The following PCDH9 variants were observed in gnomAD, a reference collection of about 807,000 sequenced individuals.
The protein encoded by PCDH9 is protocadherin-9.
PCDH9 carries 24 observed loss-of-function variants against 70.6 expected under a neutral mutation model. That is an observed-to-expected ratio of 0.34 (90% CI 0.25 to 0.48). PCDH9 has a LOEUF of 0.48. PCDH9 is among the 20% of genes least tolerant of loss of function. PCDH9 has a pLI of 0.99. For missense variants in PCDH9, 1,281 were observed against 1,503.6 expected (o/e 0.85, Z 2.45); for synonymous variants, 562 against 558.5 (o/e 1.01, Z -0.09).
chr13:66,775,208 T>A (rs1182736847), intron 3 of PCDH9, among the ~76,000 whole-genome samples: 1 of 152,348 alleles, frequency 6.6e-6, no homozygotes, highest in Admixed American at 6.5e-5. Flanking sequence ...TTTATTAGTG[T>A]CTTAGGAAGC....
chr13:66,866,595 C>T (rs1394541685), intron 3 of PCDH9, among the ~76,000 whole-genome samples: 1 of 151,876 alleles, frequency 6.6e-6, no homozygotes, highest in Non-Finnish European at 1.5e-5. Flanking sequence ...TCAGGAGTTC[C>T]AGACCAGCCT....
chr13:66,510,565 G>C (rs1404400453), intron 4 of PCDH9, among the ~76,000 whole-genome samples: 1 of 152,004 alleles, frequency 6.6e-6, no homozygotes, highest in African/African-American at 2.4e-5. Context: ...CTGTGTCCAG[G>C]TGTTCTCATT....
intron 2 of PCDH9, among the ~76,000 whole-genome samples, chr13:67,003,492 T>G (rs1056839770): frequency 6.7e-6 from 1 of 149,476 alleles, no homozygotes; most frequent in Non-Finnish European, 1.5e-5. Flanking sequence ...CGCATTTCAC[T>G]CTTTTATTCT....
intron 4 of PCDH9, among the ~76,000 whole-genome samples, chr13:66,519,674 C>T (rs1158730874): frequency 6.6e-6 from 1 of 152,126 alleles, no homozygotes; most frequent in Non-Finnish European, 1.5e-5. Context: ...GTTCCCTTCC[C>T]TGCAAGAGGT....
At chr13:66,337,062 T>G (rs1956049202) in intron 4 of PCDH9, among the ~76,000 whole-genome samples, 1 of 152,040 alleles carries the variant, frequency 6.6e-6, no homozygotes, top group Non-Finnish European at 1.5e-5. Flanking sequence ...AATTTGAAGA[T>G]CATTTGAATA....
At chr13:66,359,579 A>C (rs370848107) in intron 4 of PCDH9, among the ~76,000 whole-genome samples, 1 of 152,204 alleles carries the variant, frequency 6.6e-6, no homozygotes, top group South Asian at 2.1e-4. Context: ...ATTTGTAAGC[A>C]GGTTCCATCC....
At chr13:66,758,804 C>T (rs568574344) in intron 3 of PCDH9, among the ~76,000 whole-genome samples, 2 of 152,076 alleles carry the variant, frequency 1.3e-5, no homozygotes, top group South Asian at 2.1e-4. Flanking sequence ...CCCCTTACTC[C>T]TTACTGATCT....
At chr13:66,476,297 G>A (rs941982000) in intron 4 of PCDH9, among the ~76,000 whole-genome samples, 2 of 71,834 alleles carry the variant, frequency 2.8e-5, no homozygotes, top group South Asian at 1.1e-3. Flanking sequence ...CCCTCAACAG[G>A]AAAATTACAT....
intron 4 of PCDH9, among the ~76,000 whole-genome samples, chr13:66,469,429 GAAGA>G (rs1178048785): frequency 6.7e-6 from 1 of 149,584 alleles, no homozygotes; most frequent in Non-Finnish European, 1.5e-5. Context: ...AGAGAGAAAG[GAAGA>G]AAGGAATGAA....
At chr13:66,356,439 T>A (rs1956383541) in intron 4 of PCDH9, among the ~76,000 whole-genome samples, 1 of 152,126 alleles carries the variant, frequency 6.6e-6, no homozygotes, top group African/African-American at 2.4e-5. Flanking sequence ...TCTTCAAATC[T>A]TTTCTATATA....
chr13:66,846,831 G>A (rs9972065), intron 3 of PCDH9, among the ~76,000 whole-genome samples: 46,928 of 151,446 alleles, frequency 0.31, 7,788 homozygotes, highest in Non-Finnish European at 0.37. Flanking sequence ...TGCTATGAAA[G>A]AGAACAAAAT....
Position 66,903,556 on chromosome 13 carries a change from C to T in PCDH9, c.3086G>A (p.Cys1029Tyr), listed in dbSNP as rs1594235002. 1 of 1,586,302 alleles carries T rather than the reference C, an allele frequency of 6.3e-7. No homozygotes were observed. Among genetic ancestry groups the T allele is most frequent in the Non-Finnish European group, 8.6e-7 (1 of 1,156,120 alleles). Residue 1029 changes from cysteine to tyrosine, a missense_variant, in exon 3 of 5, where the codon TGT (cysteine) becomes TAT (tyrosine). By Grantham distance (194) the Cys-to-Tyr change is radical. Around this residue, in one of 4 missense-constraint regions of PCDH9, gnomAD observed 264 missense variants for 278.8 expected, o/e 0.95. Transcript: ENST00000377865. ...SDNIPVTPQK[C>Y]PSSTGFHIQE... The stretch of plus-strand genomic sequence containing the variant: ...AATGTGGAAACCCGTGGAGCTGGGA[C>T]ATTTCTGAGGAGTGACAGGAATATT...
intron 2 of PCDH9, chr13:67,221,040 G>A (rs1330264207): frequency 6.6e-6 from 1 of 152,028 alleles, no homozygotes; most frequent in Non-Finnish European, 1.5e-5. Flanking sequence ...CATGACCATA[G>A]GGCACTTAGC....
At chr13:66,766,259 C>T (rs1170598503) in intron 3 of PCDH9, among the ~76,000 whole-genome samples, 1 of 151,822 alleles carries the variant, frequency 6.6e-6, no homozygotes, top group Non-Finnish European at 1.5e-5. Flanking sequence ...AGTCTACCAG[C>T]TCTAGAAGAG....
intron 2 of PCDH9, among the ~76,000 whole-genome samples, chr13:67,173,805 C>T (rs2088365074): frequency 6.6e-6 from 1 of 152,116 alleles, no homozygotes; most frequent in African/African-American, 2.4e-5. Context: ...ATCCCACCAC[C>T]CTCTTATCAA....
intron 4 of PCDH9, among the ~76,000 whole-genome samples, chr13:66,357,699 G>A (rs1403766265): frequency 1.3e-5 from 2 of 151,950 alleles, no homozygotes; most frequent in African/African-American, 4.8e-5. Flanking sequence ...AGACCGTGAC[G>A]AATAACAATT....
intron 2 of PCDH9, among the ~76,000 whole-genome samples, chr13:67,050,673 T>C (rs2085304131): frequency 6.6e-6 from 1 of 152,148 alleles, no homozygotes; most frequent in South Asian, 2.1e-4. Flanking sequence ...ACTTTAATGA[T>C]TGGAACAGTG....
chr13:66,647,727 T>C (rs988653605), intron 3 of PCDH9, among the ~76,000 whole-genome samples: 15 of 152,188 alleles, frequency 9.9e-5, no homozygotes, highest in Middle Eastern at 3.4e-3. Flanking sequence ...TCAACCACAG[T>C]AGGATAAAAC....
intron 2 of PCDH9, among the ~76,000 whole-genome samples, chr13:67,186,368 G>A (rs1201591731): frequency 6.6e-6 from 1 of 152,110 alleles, no homozygotes; most frequent in African/African-American, 2.4e-5. Context: ...TGTAGGGGAC[G>A]AGGAAATGTC....
Sources: allele counts gnomAD v4.1 joint callset (sites outside exome capture counted in the v4.1 genomes callset), GRCh38; gene constraint gnomAD v4.1.1; regional missense constraint gnomAD v4.1.1; transcripts MANE v1.5; gene names NCBI Gene and HGNC (gene_info 2026-07-23, HGNC 2026-07-21).